CUBN: variants seen among roughly 807,000 people sequenced by gnomAD.
The protein encoded by CUBN is 460 kDa receptor.
CUBN carries 282 observed loss-of-function variants against 405.3 expected under a neutral mutation model. That is an observed-to-expected ratio of 0.70 (90% CI 0.63 to 0.77). CUBN has a LOEUF of 0.77. CUBN is among the 30% of genes least tolerant of loss of function. The probability of loss-of-function intolerance (pLI) is 0.00; values close to 1 mark genes in which losing one functional copy is unlikely to be tolerated. For synonymous variants in CUBN, 1,684 were observed against 1,617.0 expected, an observed-to-expected ratio of 1.04 and a Z score of -0.99; for missense variants, 4,514 against 4,475.2, an observed-to-expected ratio of 1.01 and a Z score of -0.25.
At chr10:16,833,875 C>A (rs960903204) in intron 64 of CUBN, among the ~76,000 whole-genome samples, 8 of 151,792 alleles carry the variant, frequency 5.3e-5, no homozygotes, top group African/African-American at 1.9e-4. Context: ...ATTAAAGAGG[C>A]AGTGAGAAAA....
rs148100631 is a variant in CUBN, at chr10:16,918,663, T to C, written c.6959A>G (p.Asn2320Ser). The change falls in exon 45 of 67, where the codon AAC becomes AGC. Residue 2320 changes from asparagine to serine, a missense_variant. By Grantham distance (46) the Asn-to-Ser change is conservative. Coordinates refer to ENST00000377833, the MANE Select transcript of CUBN (RefSeq NM_001081.4). The stretch of plus-strand genomic sequence containing the variant: ...CTTGAATCCCACATGTGTGGGGCTG[T>C]TGTCAGATCGAAATCTCAAATACAT... ...EVMYLRFRSDNSPTHVGFKAK... is the reference protein window; with the variant it reads ...EVMYLRFRSDSSPTHVGFKAK... 111 of 1,613,916 alleles carry C rather than the reference T, an allele frequency of 6.9e-5. No homozygotes were observed. The African/African-American group carries it at 1.1e-3, about 16-fold the overall frequency.
intron 16 of CUBN, 33 bp downstream of exon 16, chr10:17,085,564 C>A (rs544609855): frequency 1.2e-6 from 2 of 1,602,994 alleles, no homozygotes; most frequent in South Asian, 1.1e-5. Context: ...GCCTTCAAAT[C>A]CCTCTTAAGC....
intron 15 of CUBN, among the ~76,000 whole-genome samples, chr10:17,087,570 G>A (rs1342377773): frequency 1.4e-5 from 2 of 140,678 alleles, no homozygotes; most frequent in Non-Finnish European, 3.0e-5. Flanking sequence ...CCGCCTCCCG[G>A]GTCCAAACGA....
chr10:16,993,547 T>C (rs1833652539), intron 28 of CUBN, among the ~76,000 whole-genome samples: 1 of 152,232 alleles, frequency 6.6e-6, no homozygotes, highest in African/African-American at 2.4e-5. Flanking sequence ...TTTTTCCTAG[T>C]ATTTAAAGCA....
rs865943684 is a variant in CUBN at position 16,913,916 on chromosome 10, C to T, written c.7428G>A (p.Arg2476=). The T allele has an allele frequency of 6.2e-7, 1 of 1,614,072 alleles. No individual in the cohort carries two copies. The change falls in exon 48 of 67, where the codon CGG becomes CGA. Residue 2476 remains arginine, a synonymous_variant. Transcript: ENST00000377833. ...PNYPNPNPHG[R]ICEWRITAPE... is the part of the protein sequence containing the mutation. ...GGGCAGTGATTCTCCACTCGCAGAT[C>T]CGGCCATGAGGATTTGGGTTCGGGT...
intron 54 of CUBN, among the ~76,000 whole-genome samples, chr10:16,896,740 C>G (rs1045503183): frequency 1.1e-4 from 17 of 152,170 alleles, no homozygotes; most frequent in Non-Finnish European, 1.5e-4. Context: ...GCCACTAGTT[C>G]TTTGATTGTT....
intron 24 of CUBN, 81 bp from the exon 25 acceptor site, chr10:17,045,269 C>A (rs1251047777): frequency 7.6e-7 from 1 of 1,315,752 alleles, no homozygotes; most frequent in East Asian, 2.4e-5. Flanking sequence ...TAAACTGGTG[C>A]CATTCTACTA....
intron 10 of CUBN, among the ~76,000 whole-genome samples, chr10:17,107,668 T>A (rs1398668474): frequency 6.6e-6 from 1 of 151,982 alleles, no homozygotes; most frequent in South Asian, 2.1e-4. Context: ...TGGCTAATTT[T>A]TTGTATTTTC....
At chr10:16,935,879 C>CAAAAAAAAAAAA (rs369098280) in intron 39 of CUBN, among the ~76,000 whole-genome samples, 31 of 70,994 alleles carry the variant, frequency 4.4e-4, no homozygotes, top group East Asian at 7.5e-4. Context: ...GACTCCATCT[C>CAAAAAAAAAAAA]AAAAAAAAAA....
intron 60 of CUBN, among the ~76,000 whole-genome samples, chr10:16,846,236 T>C (rs1196604808): frequency 6.6e-6 from 1 of 152,232 alleles, no homozygotes; most frequent in Non-Finnish European, 1.5e-5. Flanking sequence ...CAGATGGTGA[T>C]GCTGCTATTG....
Position 17,105,468 on chromosome 10 carries a change from C to T in CUBN, c.1219G>A (p.Gly407Arg), listed in dbSNP as rs770180791. 6.3e-7 allele frequency: 1 copy of T among 1,582,078 alleles called. No homozygotes were observed. The highest frequency in any genetic ancestry group is 8.7e-7 in the Non-Finnish European group (1 of 1,150,538). ...NICLSHPCLNGQCIDTVSGYF... is the reference protein window; with the variant it reads ...NICLSHPCLNRQCIDTVSGYF... ...AACAAAGGACTCACGATGCATTGTC[C>T]ATTTAGACAGGGGTGACTTAGGCAA... is the stretch of plus-strand genomic sequence containing the variant. The change falls in exon 11 of 67, where the codon GGA (glycine) becomes AGA (arginine). Residue 407 changes from glycine (G) to arginine (R), a missense_variant. Around this residue, in one of 5 missense-constraint regions of CUBN, gnomAD observed 1,448 missense variants for 1,388.0 expected, o/e 1.04. Coordinates refer to ENST00000377833, the MANE Select transcript of CUBN (RefSeq NM_001081.4).
intron 29 of CUBN, 37 bp downstream of exon 29, chr10:16,990,297 C>A: frequency 6.2e-7 from 1 of 1,606,570 alleles, no homozygotes; most frequent in Non-Finnish European, 8.5e-7. Flanking sequence ...CTACCCCAAA[C>A]TTTGGAATGT....
chr10:17,106,003 G>A (rs892720825), intron 10 of CUBN, among the ~76,000 whole-genome samples: 1 of 152,156 alleles, frequency 6.6e-6, no homozygotes, highest in African/African-American at 2.4e-5. Flanking sequence ...CCCAATAGAG[G>A]GCCAGGCACA....
intron 25 of CUBN, among the ~76,000 whole-genome samples, chr10:17,044,207 C>A (rs1835074068): frequency 6.9e-6 from 1 of 144,760 alleles, no homozygotes; most frequent in African/African-American, 2.5e-5. Flanking sequence ...ATGTATTCAA[C>A]ACATATGTTT....
At position 16,984,193 on chromosome 10, in the gene CUBN, G is replaced by T; in HGVS notation, c.4437C>A (p.Ser1479Arg). The change falls in exon 30 of 67, where the codon AGC (serine) becomes AGA (arginine). Residue 1479 changes from serine to arginine, a missense_variant. Around this residue, in one of 5 missense-constraint regions of CUBN, gnomAD observed 1,613 missense variants for 1,542.8 expected, o/e 1.05. Coordinates refer to ENST00000377833, the MANE Select transcript of CUBN (RefSeq NM_001081.4). ...RSPENPMQVS[S>R]TGNELAIRFK... ...ATCGAATTGCTAGCTCATTTCCAGT[G>T]CTGGAGACCTGCATGGGGTTCTCAG... 6.2e-7 allele frequency: 1 copy of T among 1,614,128 alleles called. No homozygotes were observed. The highest frequency in any genetic ancestry group is 2.2e-5 in the East Asian group (1 of 44,884).
chr10:17,120,333 C>G (rs536467396), intron 6 of CUBN, among the ~76,000 whole-genome samples: 1 of 152,116 alleles, frequency 6.6e-6, no homozygotes, highest in African/African-American at 2.4e-5. Context: ...GCCTGAATTA[C>G]GGGACTTAAA....
chr10:16,833,300 A>G (rs1170399472), intron 64 of CUBN, among the ~76,000 whole-genome samples: 6 of 152,168 alleles, frequency 3.9e-5, no homozygotes, highest in African/African-American at 1.4e-4. Flanking sequence ...GAATAACCTG[A>G]CCGGCACAAA....
At position 17,127,171 on chromosome 10, in the gene CUBN, T is replaced by C. The variant is rs560481934; in HGVS notation, c.349-372A>G. On this transcript the variant is annotated intron_variant, in intron 3 of 66. Transcript: ENST00000377833. ...GGCTTCTTTTCTTTCTTTCTTCCTT[T>C]CTTTCTTTCTCTCTCTCTCTTTCTT... is the stretch of plus-strand genomic sequence containing the variant. Among the ~76,000 whole-genome samples the C allele has an allele frequency of 2.0e-5, 3 of 148,000 alleles. 1 individual carries two copies. Among genetic ancestry groups the C allele is most frequent in the African/African-American group, 7.5e-5 (3 of 39,884 alleles).
intron 22 of CUBN, among the ~76,000 whole-genome samples, chr10:17,063,758 C>T (rs12221322): frequency 6.6e-6 from 1 of 152,154 alleles, no homozygotes; most frequent in Non-Finnish European, 1.5e-5. Flanking sequence ...TTTCAGGAGG[C>T]CCTGCCTGTA....
Sources: gnomAD v4.1 joint callset for allele counts (sites outside exome capture counted in the v4.1 genomes callset) on GRCh38, gnomAD v4.1.1 for gene constraint, gnomAD v4.1.1 regional missense constraint, MANE v1.5 for transcripts, NCBI Gene and HGNC (gene_info 2026-07-23, HGNC 2026-07-21) for gene names.